The following FAM83B variants were observed in gnomAD, a reference collection of about 807,000 sequenced individuals.
FAM83B encodes the protein protein FAM83B.
Under a neutral mutation model 38.8 loss-of-function variants are expected in FAM83B, and 26 were observed. The ratio of observed to expected loss-of-function variants is 0.67; its 90% CI spans 0.49 to 0.93. The LOEUF (loss-of-function observed/expected upper bound fraction) is 0.93. Among genes scored for constraint, FAM83B ranks in the 40% least tolerant of loss-of-function variants. FAM83B has a pLI of 0.00. For synonymous variants in FAM83B, 419 were observed against 423.1 expected, an observed-to-expected ratio of 0.99 and a Z score of 0.12; for missense variants, 1,237 against 1,197.3, an observed-to-expected ratio of 1.03 and a Z score of -0.49.
intron 4 of FAM83B, among the ~76,000 whole-genome samples, chr6:54,938,308 C>T (rs1773565782): frequency 6.6e-6 from 1 of 152,066 alleles, no homozygotes; most frequent in African/African-American, 2.4e-5. Context: ...TTTGCTATTG[C>T]AAATTGTGCT....
intron 2 of FAM83B, 34 bp from the exon 3 acceptor site, chr6:54,926,337 A>T (rs1035092881): frequency 7.1e-7 from 1 of 1,402,510 alleles, no homozygotes; most frequent in Non-Finnish European, 9.7e-7. Context: ...TCTATCAAGG[A>T]TCTAAAATTG....
intron 2 of FAM83B, among the ~76,000 whole-genome samples, chr6:54,916,185 C>T (rs1773032993): frequency 6.6e-6 from 1 of 152,122 alleles, no homozygotes; most frequent in African/African-American, 2.4e-5. Flanking sequence ...CACTATTTTA[C>T]AATTTTCCTT....
intron 4 of FAM83B, among the ~76,000 whole-genome samples, chr6:54,932,369 A>G (rs1773442206): frequency 6.6e-6 from 1 of 152,168 alleles, no homozygotes; most frequent in Non-Finnish European, 1.5e-5. Context: ...CTTCAATCAC[A>G]TATGAAAACT....
intron 2 of FAM83B, among the ~76,000 whole-genome samples, chr6:54,926,127 T>G (rs2127588393): frequency 6.6e-6 from 1 of 152,344 alleles, no homozygotes; most frequent in Admixed American, 6.5e-5. Context: ...CCTACTGAAA[T>G]GCAGATTTCC....
intron 2 of FAM83B, among the ~76,000 whole-genome samples, chr6:54,870,943 T>G (rs1771839020): frequency 6.6e-6 from 1 of 152,144 alleles, no homozygotes; most frequent in African/African-American, 2.4e-5. Context: ...GGAGATCTCT[T>G]CTCCCAGAAG....
At chr6:54,930,689 A>G (rs1488406196) in intron 4 of FAM83B, among the ~76,000 whole-genome samples, 2 of 152,064 alleles carry the variant, frequency 1.3e-5, no homozygotes, top group Non-Finnish European at 2.9e-5. Flanking sequence ...CTTTTCACGC[A>G]GCCATGTTTT....
At position 54,942,438 on chromosome 6, in the gene FAM83B, G is replaced by A. The variant is rs1219939949; in HGVS notation, c.*431G>A. On this transcript the variant is annotated 3_prime_UTR_variant, in exon 5 of 5. Coordinates refer to ENST00000306858, the MANE Select transcript of FAM83B (RefSeq NM_001010872.3). ...CAAAAATATAAGCAAATGGGACAAA[G>A]CCCTTTTTTAAGATTAACTTGAAGT... Among the ~76,000 whole-genome samples, 12 of 152,010 alleles carry A rather than the reference G, an allele frequency of 7.9e-5. No homozygotes were observed. The East Asian group carries it at 1.9e-3, about 24-fold the overall frequency.
intron 2 of FAM83B, among the ~76,000 whole-genome samples, chr6:54,913,365 A>G (rs1272790450): frequency 1.3e-5 from 2 of 152,122 alleles, no homozygotes; most frequent in Non-Finnish European, 1.5e-5. Flanking sequence ...ACCATGTGCT[A>G]CTGCTCTAAC....
At chr6:54,930,205 TG>T (rs1166106586) in intron 4 of FAM83B, among the ~76,000 whole-genome samples, 2 of 152,168 alleles carry the variant, frequency 1.3e-5, no homozygotes, top group Admixed American at 6.5e-5. Context: ...CATAGAGTGA[TG>T]TACGTTTCTT....
At chr6:54,913,047 T>C (rs532602181) in intron 2 of FAM83B, among the ~76,000 whole-genome samples, 1 of 152,096 alleles carries the variant, frequency 6.6e-6, no homozygotes, top group African/African-American at 2.4e-5. Context: ...ACTATATTTT[T>C]CCTTTGCAGT....
chr6:54,882,721 C>G lies in FAM83B; in HGVS notation c.444+12031C>G, dbSNP rs532512120. Among the ~76,000 whole-genome samples, 39 of 152,280 alleles carry G rather than the reference C, an allele frequency of 2.6e-4. 1 individual carries two copies. The highest frequency in any genetic ancestry group is 9.1e-4 in the African/African-American group (38 of 41,550). ...CCTGCCTCCCTCAATTACTTCCACTCCAGGGCTACTGGACCTGTTCTGGGC... is the reference window on the plus strand; with the variant it reads ...CCTGCCTCCCTCAATTACTTCCACTGCAGGGCTACTGGACCTGTTCTGGGC... On this transcript the variant is annotated intron_variant, in intron 2 of 4. Coordinates refer to ENST00000306858, the MANE Select transcript of FAM83B (RefSeq NM_001010872.3).
intron 2 of FAM83B, among the ~76,000 whole-genome samples, chr6:54,902,649 G>T (rs1259816973): frequency 2.0e-5 from 3 of 148,430 alleles, no homozygotes; most frequent in African/African-American, 5.3e-5. Context: ...AGATTAAGAG[G>T]ACCATAGAAT....
At chr6:54,860,163 A>G (rs1771543116) in intron 1 of FAM83B, among the ~76,000 whole-genome samples, 1 of 152,172 alleles carries the variant, frequency 6.6e-6, no homozygotes, top group Non-Finnish European at 1.5e-5. Context: ...CATAATAACA[A>G]GCTTTTCTGC....
At chr6:54,915,873 A>G (rs1034871154) in intron 2 of FAM83B, among the ~76,000 whole-genome samples, 6 of 151,766 alleles carry the variant, frequency 4.0e-5, no homozygotes, top group Non-Finnish European at 8.8e-5. Context: ...ATGTATACAA[A>G]CACGTTAATT....
chr6:54,849,610 T>G (rs1285683579), intron 1 of FAM83B, among the ~76,000 whole-genome samples: 2 of 151,084 alleles, frequency 1.3e-5, no homozygotes, highest in East Asian at 1.9e-4. Context: ...ATATGAGAGA[T>G]ATTCATTGGG....
At position 54,906,358 on chromosome 6, in the gene FAM83B, A is replaced by G. The variant is rs564656187; in HGVS notation, c.445-20013A>G. Reference sequence around the variant, plus strand: ...GATTTTATTATCTAAATTTAAACCAATAAAACAATTATTATTATTTTTATG... The same window carrying G: ...GATTTTATTATCTAAATTTAAACCAGTAAAACAATTATTATTATTTTTATG... On this transcript the variant is annotated intron_variant, in intron 2 of 4. Coordinates refer to ENST00000306858, the MANE Select transcript of FAM83B (RefSeq NM_001010872.3). 2.6e-5 allele frequency among the ~76,000 whole-genome samples: 4 copies of G among 152,116 alleles called. No individual in the cohort carries two copies. In the East Asian group the frequency reaches 7.7e-4, roughly 29 times the overall value.
chr6:54,892,595 G>A lies in FAM83B; in HGVS notation c.444+21905G>A, dbSNP rs147296282. On this transcript the variant is annotated intron_variant, in intron 2 of 4. Transcript: ENST00000306858. ...CCATCCCTGTTCCTGCAAAGGACAT[G>A]GTCTTATTCTTATTATGGCTGCCTC... 2.9e-3 allele frequency among the ~76,000 whole-genome samples: 436 copies of A among 150,920 alleles called. 1 individual carries two copies. The highest frequency in any genetic ancestry group is 7.1e-3 in the Middle Eastern group (2 of 280).
chr6:54,888,627 G>A (rs749213559), intron 2 of FAM83B, among the ~76,000 whole-genome samples: 1 of 151,794 alleles, frequency 6.6e-6, no homozygotes, highest in Non-Finnish European at 1.5e-5. Context: ...TTTTATTGTT[G>A]CTGATTTAAA....
chr6:54,863,448 G>A (rs1771632433), intron 1 of FAM83B, among the ~76,000 whole-genome samples: 2 of 150,698 alleles, frequency 1.3e-5, no homozygotes, highest in African/African-American at 4.9e-5. Context: ...AGCACCATGA[G>A]GCTTAAGGCC....
Sources: gnomAD v4.1 joint callset for allele counts (sites outside exome capture counted in the v4.1 genomes callset) on GRCh38, gnomAD v4.1.1 for gene constraint, MANE v1.5 for transcripts, NCBI Gene and HGNC (gene_info 2026-07-23, HGNC 2026-07-21) for gene names.